The following LIPI variants were observed in gnomAD, a reference collection of about 807,000 sequenced individuals.
LIPI encodes lipase I.
In LIPI, 59 loss-of-function variants were observed where a neutral mutation model predicts 50.6. The ratio of observed to expected loss-of-function variants is 1.16; its 90% CI spans 0.94 to 1.45. The LOEUF (loss-of-function observed/expected upper bound fraction) is 1.45, where lower values mean the gene tolerates loss of function less well. Among genes scored for constraint, LIPI ranks in the 40% most tolerant of loss-of-function variants. LIPI has a pLI of 0.00. For missense variants in LIPI, 586 were observed against 536.3 expected, an observed-to-expected ratio of 1.09 and a Z score of -0.92; for synonymous variants, 203 against 178.2, an observed-to-expected ratio of 1.14 and a Z score of -1.11.
chr21:14,175,622 T>C (rs1300690317), intron 4 of LIPI, among the ~76,000 whole-genome samples: 1 of 152,196 alleles, frequency 6.6e-6, no homozygotes. Flanking sequence ...TATCCCAGTG[T>C]TATGAAGGCT....
intron 9 of LIPI, among the ~76,000 whole-genome samples, chr21:14,139,704 TG>T (rs1382684632): frequency 6.6e-6 from 1 of 152,160 alleles, no homozygotes; most frequent in African/African-American, 2.4e-5. Flanking sequence ...GAAGAGCTGC[TG>T]CTCACAATTG....
intron 9 of LIPI, among the ~76,000 whole-genome samples, chr21:14,141,128 A>G (rs2017691372): frequency 6.6e-6 from 1 of 151,910 alleles, no homozygotes; most frequent in Admixed American, 6.6e-5. Context: ...CATCCTTTCC[A>G]TTTGAGATCT....
At chr21:14,173,413 T>C (rs1370585282) in intron 4 of LIPI, among the ~76,000 whole-genome samples, 3 of 152,200 alleles carry the variant, frequency 2.0e-5, no homozygotes, top group Non-Finnish European at 4.4e-5. Context: ...TGTAGCCCTG[T>C]AGATCATTGG....
chr21:14,132,707 T>C (rs1175822132), intron 9 of LIPI, among the ~76,000 whole-genome samples: 3 of 151,806 alleles, frequency 2.0e-5, no homozygotes, highest in Non-Finnish European at 4.4e-5. Context: ...CAGAATCTCA[T>C]AAAACCACAA....
At chr21:14,130,200 T>G (rs957068643) in intron 9 of LIPI, among the ~76,000 whole-genome samples, 5 of 152,098 alleles carry the variant, frequency 3.3e-5, no homozygotes, top group African/African-American at 1.2e-4. Context: ...GATAGCCAGG[T>G]GTGGGGGTGT....
At chr21:14,171,139 C>T (rs1277422991) in intron 4 of LIPI, among the ~76,000 whole-genome samples, 1 of 150,158 alleles carries the variant, frequency 6.7e-6, no homozygotes, top group Non-Finnish European at 1.5e-5. Context: ...AATAAAATAC[C>T]TAGGAATCCA....
chr21:14,156,227 C>T (rs139349080), intron 7 of LIPI, among the ~76,000 whole-genome samples: 21 of 151,910 alleles, frequency 1.4e-4, no homozygotes, highest in Middle Eastern at 3.4e-3. Context: ...ATTAGAGTTG[C>T]TAACCAGCTA....
At chr21:14,176,793 A>T (rs367554310) in intron 4 of LIPI, among the ~76,000 whole-genome samples, 3 of 134,886 alleles carry the variant, frequency 2.2e-5, no homozygotes, top group East Asian at 4.2e-4. Context: ...TTATTCTTTT[A>T]TTATTATTAT....
At chr21:14,144,949 A>G in intron 8 of LIPI, 150 bp from the exon 9 acceptor site, 1 of 547,234 alleles carries the variant, frequency 1.8e-6, no homozygotes, top group Non-Finnish European at 3.3e-6. Flanking sequence ...TTATTAAAAT[A>G]ATTAAAACCG....
intron 9 of LIPI, among the ~76,000 whole-genome samples, chr21:14,137,748 C>G (rs2017555873): frequency 6.6e-6 from 1 of 151,932 alleles, no homozygotes; most frequent in South Asian, 2.1e-4. Flanking sequence ...ATATCAATAT[C>G]CAAGTATAAG....
chr21:14,200,941 G>T (rs1450074190), intron 1 of LIPI, among the ~76,000 whole-genome samples: 2 of 152,020 alleles, frequency 1.3e-5, no homozygotes, highest in Non-Finnish European at 2.9e-5. Flanking sequence ...GAACAGAGTA[G>T]AGAACCCAGA....
At chr21:14,161,674 C>G (rs1176554312) in intron 7 of LIPI, among the ~76,000 whole-genome samples, 1 of 97,904 alleles carries the variant, frequency 1.0e-5, no homozygotes, top group African/African-American at 4.2e-5. Flanking sequence ...ATAATATATA[C>G]ATTATTATAT....
At chr21:14,142,255 A>G (rs1335141425) in intron 9 of LIPI, among the ~76,000 whole-genome samples, 1 of 152,110 alleles carries the variant, frequency 6.6e-6, no homozygotes, top group East Asian at 1.9e-4. Flanking sequence ...TCGTACATGT[A>G]TACCTATGTA....
intron 1 of LIPI, among the ~76,000 whole-genome samples, 187 bp from the exon 2 acceptor site, chr21:14,189,606 C>A (rs1418609281): frequency 2.0e-5 from 3 of 151,660 alleles, no homozygotes; most frequent in Non-Finnish European, 2.9e-5. Flanking sequence ...TTTTCTGAAC[C>A]AAAAGTAATG....
At chr21:14,169,776 T>A (rs1018489451) in intron 4 of LIPI, among the ~76,000 whole-genome samples, 9 of 151,974 alleles carry the variant, frequency 5.9e-5, no homozygotes, top group African/African-American at 2.2e-4. Flanking sequence ...GATCCAAAAT[T>A]GACACCCTAA....
chr21:14,144,932 G>T, intron 8 of LIPI, 133 bp from the exon 9 acceptor site: 1 of 568,132 alleles, frequency 1.8e-6, no homozygotes, highest in African/African-American at 1.9e-5. Context: ...AAATATTATT[G>T]CAGTATTTAT....
At chr21:14,136,523 T>C (rs2017504398) in intron 9 of LIPI, among the ~76,000 whole-genome samples, 1 of 152,160 alleles carries the variant, frequency 6.6e-6, no homozygotes. Context: ...CTGTGTCTTG[T>C]AATTTGAGTG....
chr21:14,166,503 T>C (rs763526859), intron 4 of LIPI, 52 bp from the exon 5 acceptor site: 1 of 950,872 alleles, frequency 1.1e-6, no homozygotes, highest in African/African-American at 1.6e-5. Flanking sequence ...CAGGTGAGTA[T>C]CTTGCATAAA....
intron 1 of LIPI, among the ~76,000 whole-genome samples, chr21:14,199,092 A>G (rs1394741180): frequency 6.6e-6 from 1 of 152,158 alleles, no homozygotes; most frequent in Non-Finnish European, 1.5e-5. Context: ...GGACACAGCT[A>G]AGGCAGTGAT....
Sources: allele counts gnomAD v4.1 joint callset (sites outside exome capture counted in the v4.1 genomes callset), GRCh38; gene constraint gnomAD v4.1.1; transcripts MANE v1.5; gene names NCBI Gene and HGNC (gene_info 2026-07-23, HGNC 2026-07-21).